Variants in LRRC4C observed in about 807,000 individuals in gnomAD.
The protein encoded by LRRC4C is leucine-rich repeat-containing protein 4C.
LRRC4C carries 5 observed loss-of-function variants against 33.6 expected under a neutral mutation model. The observed-to-expected ratio is 0.15, with a 90% CI of 0.08 to 0.31. The LOEUF (loss-of-function observed/expected upper bound fraction) is 0.31. Ranked by LOEUF, LRRC4C falls within the 10% of genes least tolerant of loss-of-function variation. The pLI, the probability that LRRC4C is intolerant of heterozygous loss-of-function variation, is 1.00. For missense variants in LRRC4C, 560 were observed against 796.7 expected (o/e 0.70, Z 3.58); for synonymous variants, 329 against 302.0 (o/e 1.09, Z -0.93).
At chr11:40,405,276 A>G (rs1949918323) in intron 3 of LRRC4C, among the ~76,000 whole-genome samples, 2 of 151,966 alleles carry the variant, frequency 1.3e-5, no homozygotes. Context: ...ATCCTCCTTA[A>G]GGCTGAAGGC....
intron 3 of LRRC4C, among the ~76,000 whole-genome samples, chr11:40,351,026 GCAAA>G (rs1386663956): frequency 1.3e-5 from 2 of 151,908 alleles, no homozygotes; most frequent in African/African-American, 4.8e-5. Flanking sequence ...CATATCATCT[GCAAA>G]CAAAGATACT....
chr11:40,234,823 T>G (rs1590782379), intron 5 of LRRC4C, among the ~76,000 whole-genome samples: 1 of 152,152 alleles, frequency 6.6e-6, no homozygotes, highest in East Asian at 1.9e-4. Context: ...TTAGAGGGTG[T>G]TTAGCACATC....
chr11:40,350,566 G>C (rs777781818), intron 3 of LRRC4C, among the ~76,000 whole-genome samples: 1 of 151,998 alleles, frequency 6.6e-6, no homozygotes, highest in Non-Finnish European at 1.5e-5. Context: ...AATGGCTTTA[G>C]CTATTCTTAA....
chr11:40,578,243 TC>T (rs2135618255), intron 3 of LRRC4C, among the ~76,000 whole-genome samples: 1 of 145,650 alleles, frequency 6.9e-6, no homozygotes, highest in South Asian at 2.3e-4. Flanking sequence ...TGGATTTGCT[TC>T]CCAACTATGC....
intron 3 of LRRC4C, among the ~76,000 whole-genome samples, chr11:40,378,375 G>T (rs1230425552): frequency 6.6e-6 from 1 of 151,914 alleles, no homozygotes. Flanking sequence ...ACCTGATCAA[G>T]AATTCTCATT....
At chr11:40,140,059 G>A (rs982187362) in intron 6 of LRRC4C, among the ~76,000 whole-genome samples, 1 of 152,166 alleles carries the variant, frequency 6.6e-6, no homozygotes, top group Non-Finnish European at 1.5e-5. Flanking sequence ...GAGAGAAGAA[G>A]GTTAAACCCC....
intron 2 of LRRC4C, among the ~76,000 whole-genome samples, chr11:40,814,059 C>G (rs917742260): frequency 1.3e-5 from 2 of 152,100 alleles, no homozygotes; most frequent in African/African-American, 4.8e-5. Flanking sequence ...GTCAGTGGCC[C>G]TCTTCTCACG....
In LRRC4C at chr11:40,134,953, TTTAA is replaced by T. The variant is rs529414454; in HGVS notation, c.-43+5844_-43+5847del. ...ACAAAAACCTGATAAGGAAACTCTC[TTTAA>T]TTGAGTCTGTGTTTATGAGATCTGA... On this transcript the variant is annotated intron_variant, in intron 6 of 6. Transcript: ENST00000528697. Among the ~76,000 whole-genome samples the T allele has an allele frequency of 2.5e-3, 388 of 152,298 alleles. 10 individuals carry two copies. The highest frequency in any genetic ancestry group is 0.025 in the Admixed American group (386 of 15,294).
intron 2 of LRRC4C, among the ~76,000 whole-genome samples, chr11:40,662,934 T>C (rs1321423485): frequency 6.6e-6 from 1 of 152,202 alleles, no homozygotes; most frequent in African/African-American, 2.4e-5. Flanking sequence ...AGTAGTGGTG[T>C]GGTTGGTAGA....
At chr11:40,554,165 C>A (rs1229628083) in intron 3 of LRRC4C, among the ~76,000 whole-genome samples, 1 of 152,044 alleles carries the variant, frequency 6.6e-6, no homozygotes, top group Admixed American at 6.6e-5. Flanking sequence ...TATGGTTAGC[C>A]AGTTTTCCCA....
chr11:40,437,142 G>T (rs1024880300), intron 3 of LRRC4C, among the ~76,000 whole-genome samples: 2 of 152,122 alleles, frequency 1.3e-5, no homozygotes, highest in African/African-American at 4.8e-5. Context: ...ATTAATAATG[G>T]AAGCGAGAAC....
chr11:40,717,661 T>C (rs957509802), intron 2 of LRRC4C, among the ~76,000 whole-genome samples: 4 of 152,100 alleles, frequency 2.6e-5, no homozygotes, highest in African/African-American at 9.7e-5. Context: ...TGTACACAGG[T>C]TTACCCCGTG....
At chr11:40,590,427 C>A (rs1162520104) in intron 3 of LRRC4C, among the ~76,000 whole-genome samples, 1 of 150,416 alleles carries the variant, frequency 6.6e-6, no homozygotes, top group Admixed American at 6.7e-5. Flanking sequence ...GTTTGAATGT[C>A]CTCCCGTAGC....
intron 3 of LRRC4C, among the ~76,000 whole-genome samples, chr11:40,423,019 A>G (rs1380531983): frequency 6.6e-6 from 1 of 152,150 alleles, no homozygotes; most frequent in Non-Finnish European, 1.5e-5. Flanking sequence ...ACGTTTTACT[A>G]TTACCTATGT....
At chr11:41,004,377 T>G (rs543443594) in intron 1 of LRRC4C, among the ~76,000 whole-genome samples, 1 of 152,236 alleles carries the variant, frequency 6.6e-6, no homozygotes, top group South Asian at 2.1e-4. Context: ...AGGAAGTACA[T>G]CAACATTATC....
chr11:41,331,258 C>T (rs1951284747), intron 1 of LRRC4C, among the ~76,000 whole-genome samples: 1 of 152,146 alleles, frequency 6.6e-6, no homozygotes, highest in Non-Finnish European at 1.5e-5. Context: ...AGTCCTTCAG[C>T]ATTGTCTTGC....
intron 1 of LRRC4C, among the ~76,000 whole-genome samples, chr11:41,172,051 A>T (rs183228972): frequency 1.1e-4 from 16 of 152,272 alleles, no homozygotes; most frequent in Non-Finnish European, 1.9e-4. Flanking sequence ...ATCCAGCAAC[A>T]GAGACAAGAT....
intron 1 of LRRC4C, among the ~76,000 whole-genome samples, chr11:41,324,567 T>A (rs1264978113): frequency 6.6e-6 from 1 of 152,230 alleles, no homozygotes; most frequent in African/African-American, 2.4e-5. Context: ...TGACATCCTA[T>A]CTGTAAAGCA....
At chr11:40,281,934 T>C (rs1943503741) in intron 4 of LRRC4C, among the ~76,000 whole-genome samples, 1 of 152,258 alleles carries the variant, frequency 6.6e-6, no homozygotes, top group African/African-American at 2.4e-5. Context: ...ATAGCTAAAT[T>C]CTCCTACATT....
Sources: allele counts gnomAD v4.1 joint callset (sites outside exome capture counted in the v4.1 genomes callset), GRCh38; gene constraint gnomAD v4.1.1; transcripts MANE v1.5; gene names NCBI Gene and HGNC (gene_info 2026-07-23, HGNC 2026-07-21).